Variants in ABTB3 observed in about 807,000 individuals in gnomAD.
ABTB3 encodes the protein ankyrin repeat- and BTB/POZ domain-containing protein 3.
At chr12:107,519,524 G>GC in the ABTB3 span, among the ~76,000 whole-genome samples, 2 of 151,968 alleles carry the variant, frequency 1.3e-5, no homozygotes, top group Non-Finnish European at 2.9e-5. Context: ...CGCCATGTTG[G>GC]CCAGGCTGGT....
At chr12:107,562,240 A>G in the ABTB3 span, among the ~76,000 whole-genome samples, 1 of 152,258 alleles carries the variant, frequency 6.6e-6, no homozygotes, top group Non-Finnish European at 1.5e-5. Context: ...GAACAAATGC[A>G]TAAATAATAC....
the ABTB3 span, among the ~76,000 whole-genome samples, chr12:107,424,082 G>A: frequency 6.6e-6 from 1 of 152,168 alleles, no homozygotes; most frequent in African/African-American, 2.4e-5. Flanking sequence ...CTCAGCTAAT[G>A]CCATTACCTT....
the ABTB3 span, among the ~76,000 whole-genome samples, chr12:107,370,132 A>G: frequency 6.6e-6 from 1 of 152,258 alleles, no homozygotes; most frequent in Admixed American, 6.5e-5. Flanking sequence ...AAACTCTAAC[A>G]GTAAGTGGTT....
chr12:107,358,980 C>T, the ABTB3 span, among the ~76,000 whole-genome samples: 1 of 152,236 alleles, frequency 6.6e-6, no homozygotes, highest in African/African-American at 2.4e-5. Context: ...CCAGGCCTGA[C>T]TACCCCCGAA....
chr12:107,623,393 GTC>G, the ABTB3 span, among the ~76,000 whole-genome samples: 1 of 120,802 alleles, frequency 8.3e-6, no homozygotes, highest in Non-Finnish European at 1.6e-5. Flanking sequence ...TTGAGATGGA[GTC>G]TCACTCCGTC....
the ABTB3 span, among the ~76,000 whole-genome samples, chr12:107,508,378 C>T: frequency 6.7e-6 from 1 of 150,090 alleles, no homozygotes; most frequent in East Asian, 2.0e-4. Context: ...AAAAGCTGCC[C>T]CCTCATTATT....
At chr12:107,324,501 T>A in the ABTB3 span, among the ~76,000 whole-genome samples, 3 of 152,062 alleles carry the variant, frequency 2.0e-5, no homozygotes, top group East Asian at 1.9e-4. Context: ...AAAATAAAAT[T>A]AAGTTAGCTT....
chr12:107,353,068 T>C, the ABTB3 span, among the ~76,000 whole-genome samples: 28 of 152,128 alleles, frequency 1.8e-4, no homozygotes, highest in African/African-American at 6.8e-4. Context: ...AGGAGACCCA[T>C]CAGGTGATGG....
chr12:107,335,402 G>A, the ABTB3 span, among the ~76,000 whole-genome samples: 1 of 149,076 alleles, frequency 6.7e-6, no homozygotes, highest in African/African-American at 2.5e-5. Context: ...GTTTTCCTAA[G>A]GGGATAGAGG....
chr12:107,567,872 TC>T, the ABTB3 span, among the ~76,000 whole-genome samples: 3 of 152,128 alleles, frequency 2.0e-5, no homozygotes, highest in Admixed American at 6.6e-5. Context: ...AAAACTATCT[TC>T]CATGAAACCA....
At chr12:107,557,373 G>C in the ABTB3 span, among the ~76,000 whole-genome samples, 1 of 152,164 alleles carries the variant, frequency 6.6e-6, no homozygotes, top group East Asian at 1.9e-4. Flanking sequence ...TAAAAATGCA[G>C]TATTATAATC....
At chr12:107,401,907 G>C in the ABTB3 span, among the ~76,000 whole-genome samples, 1 of 140,736 alleles carries the variant, frequency 7.1e-6, no homozygotes, top group African/African-American at 2.6e-5. Context: ...GGTAACAACC[G>C]CTTAGGGTTT....
chr12:107,647,396 T>G, the ABTB3 span, among the ~76,000 whole-genome samples: 6 of 151,992 alleles, frequency 3.9e-5, no homozygotes, highest in Non-Finnish European at 7.4e-5. Flanking sequence ...TCCTAGCTAC[T>G]TGGGAGGCTG....
chr12:107,474,610 G>A, the ABTB3 span, among the ~76,000 whole-genome samples: 1 of 152,116 alleles, frequency 6.6e-6, no homozygotes, highest in Non-Finnish European at 1.5e-5. Context: ...GGAAGGGGAG[G>A]CATTGGAGGG....
chr12:107,452,885 C>A, the ABTB3 span, among the ~76,000 whole-genome samples: 1,457 of 152,184 alleles, frequency 9.6e-3, 26 homozygotes, highest in African/African-American at 0.033. Context: ...ATTTAGAAAA[C>A]CACATCACTA....
chr12:107,442,576 C>T, the ABTB3 span, among the ~76,000 whole-genome samples: 1 of 152,138 alleles, frequency 6.6e-6, no homozygotes, highest in East Asian at 1.9e-4. Flanking sequence ...GCTTGTGGGG[C>T]TCTTTCCTTT....
At chr12:107,503,864 T>C in the ABTB3 span, among the ~76,000 whole-genome samples, 1 of 151,728 alleles carries the variant, frequency 6.6e-6, no homozygotes, top group Admixed American at 6.6e-5. Context: ...CAAAAAGGCT[T>C]CTTGGGGTGG....
the ABTB3 span, among the ~76,000 whole-genome samples, chr12:107,587,772 G>A: frequency 1.3e-5 from 2 of 152,146 alleles, no homozygotes; most frequent in East Asian, 1.9e-4. Flanking sequence ...TGTATTTGCT[G>A]TACATGCTTA....
the ABTB3 span, among the ~76,000 whole-genome samples, chr12:107,426,450 G>A: frequency 3.3e-5 from 5 of 152,132 alleles, no homozygotes; most frequent in Admixed American, 6.5e-5. Context: ...CTCCCTGGCT[G>A]CTGTGGCAGG....
Sources: allele counts gnomAD v4.1 joint callset (sites outside exome capture counted in the v4.1 genomes callset), GRCh38; gene constraint gnomAD v4.1.1; transcripts MANE v1.5; gene names NCBI Gene and HGNC (gene_info 2026-07-23, HGNC 2026-07-21).